GCNT4: variants seen among roughly 807,000 people sequenced by gnomAD.
GCNT4 encodes the protein glucosaminyl (N-acetyl) transferase 4, also known as beta-1,3-galactosyl-O-glycosyl-glycoprotein beta-1,6-N-acetylglucosaminyltransferase 4.
In GCNT4, 17 loss-of-function variants were observed where a neutral mutation model predicts 31.3. The ratio of observed to expected loss-of-function variants is 0.54; its 90% confidence interval spans 0.37 to 0.81. The LOEUF (loss-of-function observed/expected upper bound fraction) is 0.81. Ranked by LOEUF, GCNT4 falls within the 40% of genes least tolerant of loss-of-function variation. The pLI is 0.00. For missense variants in GCNT4, 503 were observed against 525.5 expected, an observed-to-expected ratio of 0.96 and a Z score of 0.42; for synonymous variants, 158 against 190.6, an observed-to-expected ratio of 0.83 and a Z score of 1.41.
chr5:75,024,077 A>G (rs1190214055), downstream of GCNT4: 1 of 152,154 alleles, frequency 6.6e-6, no homozygotes, highest in East Asian at 1.9e-4. Context: ...CAAATTTACA[A>G]TCATCTATTC....
chr5:75,019,605 C>T, the GCNT4 span, among the ~76,000 whole-genome samples: 5 of 152,206 alleles, frequency 3.3e-5, no homozygotes. Flanking sequence ...GGCCCTTTCT[C>T]ATTTCCTGGC....
chr5:75,032,872 GGTGTGTGTGTGTGTGTGTGTGTGTGTGT>G (rs60551634), intron 3 of GCNT4, among the ~76,000 whole-genome samples: 11,093 of 130,722 alleles, frequency 0.085, 489 homozygotes, highest in Middle Eastern at 0.11. Flanking sequence ...CCCAAATAGG[GGTGTGTGTGTGTGTGTGTGTGTGTGTGT>G]GTGTGTGTGT....
In GCNT4 at chr5:75,040,978, G is replaced by A. The variant is rs190133930; in HGVS notation, c.-2+6919C>T. Among the ~76,000 whole-genome samples the A allele has an allele frequency of 2.6e-5, 4 of 152,204 alleles. No homozygotes were observed. The East Asian group carries it at 7.7e-4, about 29-fold the overall frequency. ...CCAGTATGCTCGATATTTTTCAAAA[G>A]ATTAATAACCAAAAAAGTTATTTAA... is the stretch of plus-strand genomic sequence containing the variant. On this transcript the variant is annotated intron_variant, in intron 3 of 3. Transcript: ENST00000652361.
chr5:75,026,645 CACA>C lies in GCNT4; in HGVS notation c.*2028_*2030del, dbSNP rs1742949438. ...TTCATATACTATTTCAATCGATTCT[CACA>C]AAAAAAAAAAAAAAAAAAAAAAAAC... On this transcript the variant is annotated 3_prime_UTR_variant, in exon 4 of 4. Transcript: ENST00000652361. 1.7e-5 allele frequency: 1 copy of C among 57,604 alleles called. No homozygotes were observed. Among genetic ancestry groups the C allele is most frequent in the Non-Finnish European group, 2.8e-5 (1 of 35,646 alleles). The allele number at this position is 57,604 out of a possible 1,614,324, so 3.6% of individuals were successfully genotyped here.
At chr5:75,039,695 C>A (rs970166383) in intron 3 of GCNT4, among the ~76,000 whole-genome samples, 1 of 152,152 alleles carries the variant, frequency 6.6e-6, no homozygotes, top group Non-Finnish European at 1.5e-5. Context: ...TTCAAATCCA[C>A]CCACCTCTTT....
At chr5:75,034,676 A>T (rs986549730) in intron 3 of GCNT4, among the ~76,000 whole-genome samples, 4 of 152,252 alleles carry the variant, frequency 2.6e-5, no homozygotes, top group Admixed American at 6.5e-5. Context: ...TTATTGCCAC[A>T]TAGGCACAAG....
At chr5:75,034,801 G>A (rs1580238869) in intron 3 of GCNT4, among the ~76,000 whole-genome samples, 1 of 152,230 alleles carries the variant, frequency 6.6e-6, no homozygotes, top group Non-Finnish European at 1.5e-5. Flanking sequence ...AGTCCCAATA[G>A]GGATGTTGAA....
At chr5:75,024,516 C>A (rs1045893689), downstream of GCNT4, among the ~76,000 whole-genome samples, 9 of 152,080 alleles carry the variant, frequency 5.9e-5, no homozygotes, top group Non-Finnish European at 1.3e-4. Flanking sequence ...GGCCAGGGAG[C>A]TTCTCAGCGG....
intron 3 of GCNT4, among the ~76,000 whole-genome samples, chr5:75,033,109 A>G (rs1743110222): frequency 6.6e-6 from 1 of 152,206 alleles, no homozygotes; most frequent in Admixed American, 6.5e-5. Flanking sequence ...CTCACATTCT[A>G]AAGAGATTTA....
rs1303558307 is a variant in GCNT4 at position 75,027,337 on chromosome 5, A to ATGTATATATAATATATATTTAT, written c.*1338_*1339insATAAATATATATTATATATACA. 4.2e-5 allele frequency: 2 copies of ATGTATATATAATATATATTTAT among 48,022 alleles called. No individual in the cohort carries two copies. Among genetic ancestry groups the ATGTATATATAATATATATTTAT allele is most frequent in the African/African-American group, 1.5e-4 (2 of 13,244 alleles). 3.0% of individuals were successfully genotyped at this position (48,022 alleles called of 1,614,324 possible). A position where few individuals can be genotyped will look rare whatever the true frequency, so the allele number is the denominator to read the frequency against. On this transcript the variant is annotated 3_prime_UTR_variant, in exon 4 of 4. Transcript: ENST00000652361. The stretch of plus-strand genomic sequence containing the variant: ...GTATATATAATATATATTCATATAC[A>ATGTATATATAATATATATTTAT]ATATATGTATATATAATATATATAT...
At chr5:75,044,729 C>T (rs1477518867) in intron 3 of GCNT4, among the ~76,000 whole-genome samples, 7 of 152,028 alleles carry the variant, frequency 4.6e-5, no homozygotes, top group African/African-American at 7.2e-5. Flanking sequence ...CGGATTTCTG[C>T]GGGGTAGACT....
At chr5:75,046,159 C>A (rs1743433302) in intron 3 of GCNT4, among the ~76,000 whole-genome samples, 1 of 152,090 alleles carries the variant, frequency 6.6e-6, no homozygotes, top group South Asian at 2.1e-4. Context: ...GTGTATCATT[C>A]CATTTCTTTC....
At chr5:75,041,761 T>C (rs1743326805) in intron 3 of GCNT4, among the ~76,000 whole-genome samples, 1 of 152,324 alleles carries the variant, frequency 6.6e-6, no homozygotes, top group South Asian at 2.1e-4. Context: ...TAGACTTGAT[T>C]CTGGGCTTTA....
At chr5:75,041,408 A>T (rs1288583959) in intron 3 of GCNT4, among the ~76,000 whole-genome samples, 1 of 152,268 alleles carries the variant, frequency 6.6e-6, no homozygotes, top group Non-Finnish European at 1.5e-5. Context: ...TAGGCCTGCA[A>T]TTATGAACGT....
At chr5:75,032,605 G>A (rs1415037800) in intron 3 of GCNT4, among the ~76,000 whole-genome samples, 1 of 152,164 alleles carries the variant, frequency 6.6e-6, no homozygotes, top group Non-Finnish European at 1.5e-5. Context: ...TGCTGCATCA[G>A]CACCCAGGTT....
chr5:75,042,435 A>G (rs914971166), intron 3 of GCNT4, among the ~76,000 whole-genome samples: 1 of 152,188 alleles, frequency 6.6e-6, no homozygotes, highest in Non-Finnish European at 1.5e-5. Flanking sequence ...GGCTAACTCC[A>G]TATTTTTCAA....
At chr5:75,053,235 C>A (rs928358550), upstream of GCNT4, among the ~76,000 whole-genome samples, 2 of 151,872 alleles carry the variant, frequency 1.3e-5, no homozygotes, top group Non-Finnish European at 2.9e-5. Context: ...GCCCACCCGG[C>A]CCGTGACGCT....
chr5:75,024,258 C>T (rs114047362), downstream of GCNT4, among the ~76,000 whole-genome samples: 223 of 152,310 alleles, frequency 1.5e-3, 1 homozygote, highest in African/African-American at 5.2e-3. Context: ...CTCACCACCA[C>T]TGGCACCAAA....
downstream of GCNT4, among the ~76,000 whole-genome samples, chr5:75,022,662 C>T (rs1462987629): frequency 6.6e-6 from 1 of 152,118 alleles, no homozygotes; most frequent in Non-Finnish European, 1.5e-5. Context: ...AACCAGTGTC[C>T]TAGACAAACA....
Sources: gnomAD v4.1 joint callset for allele counts (sites outside exome capture counted in the v4.1 genomes callset) on GRCh38, gnomAD v4.1.1 for gene constraint, MANE v1.5 for transcripts, NCBI Gene and HGNC (gene_info 2026-07-23, HGNC 2026-07-21) for gene names.